The following SLC22A14 variants were observed in gnomAD, a reference collection of about 807,000 sequenced individuals.
SLC22A14 encodes the protein solute carrier family 22 member 14.
In SLC22A14, 50 loss-of-function variants were observed where a neutral mutation model predicts 53.9. The observed-to-expected ratio is 0.93, with a 90% CI of 0.74 to 1.17. The LOEUF (loss-of-function observed/expected upper bound fraction) is 1.17. Among genes scored for constraint, SLC22A14 ranks in the 50% most tolerant of loss-of-function variants. The probability of loss-of-function intolerance (pLI) is 0.00; values close to 1 mark genes in which losing one functional copy is unlikely to be tolerated. For missense variants in SLC22A14, 671 were observed against 734.7 expected (o/e 0.91, Z 1.00); for synonymous variants, 312 against 303.0 (o/e 1.03, Z -0.31).
At chr3:38,312,241 G>C (rs143052289) in intron 5 of SLC22A14, among the ~76,000 whole-genome samples, 1 of 152,126 alleles carries the variant, frequency 6.6e-6, no homozygotes, top group African/African-American at 2.4e-5. Flanking sequence ...CTGTGTCCTC[G>C]GGCAAGCCTT....
At chr3:38,295,655 A>C (rs1004752516) in intron 1 of SLC22A14, among the ~76,000 whole-genome samples, 2 of 151,364 alleles carry the variant, frequency 1.3e-5, no homozygotes, top group Non-Finnish European at 3.0e-5. Context: ...GGGTTTTTTT[A>C]ATTTTATTTT....
chr3:38,290,904 C>G (rs1559543984), intron 1 of SLC22A14, among the ~76,000 whole-genome samples: 1 of 152,068 alleles, frequency 6.6e-6, no homozygotes, highest in African/African-American at 2.4e-5. Context: ...TTCTGATGAC[C>G]CTGGCAGTGT....
intron 1 of SLC22A14, among the ~76,000 whole-genome samples, chr3:38,289,304 G>A (rs1232664502): frequency 2.0e-5 from 3 of 151,510 alleles, no homozygotes; most frequent in Non-Finnish European, 4.4e-5. Context: ...ACACTGACAT[G>A]ATACTATTAA....
chr3:38,288,974 G>A (rs940322030), intron 1 of SLC22A14, among the ~76,000 whole-genome samples: 1 of 151,982 alleles, frequency 6.6e-6, no homozygotes, highest in Non-Finnish European at 1.5e-5. Context: ...GAGGCCAGAA[G>A]TTCAAGACCA....
intron 1 of SLC22A14, among the ~76,000 whole-genome samples, chr3:38,298,096 G>A (rs1228866951): frequency 6.6e-6 from 1 of 152,002 alleles, no homozygotes; most frequent in Non-Finnish European, 1.5e-5. Flanking sequence ...TATTCTATGG[G>A]TTATAACATA....
Position 38,313,813 on chromosome 3 carries a change from G to T in SLC22A14, c.1250G>T (p.Ser417Ile), listed in dbSNP as rs766281964. The T allele has an allele frequency of 6.2e-7, 1 of 1,614,096 alleles. No homozygotes were observed. The highest frequency in any genetic ancestry group is 8.5e-7 in the Non-Finnish European group (1 of 1,179,994). ...GTCCACTTCAGACACGTGGTCCCCA[G>T]CATCATGGAGGTGCCTGCCCGGCTG... ...VSVHFRHVVP[S>I]IMEVPARLCC... is the part of the protein sequence containing the mutation. Residue 417 changes from serine (S) to isoleucine (I), a missense_variant, in exon 8 of 11, where the codon AGC becomes ATC. Ser to Ile is a moderately radical substitution (Grantham distance 142). Coordinates refer to ENST00000448498, the MANE Select transcript of SLC22A14 (RefSeq NM_001320033.2).
intron 1 of SLC22A14, among the ~76,000 whole-genome samples, chr3:38,282,788 A>G (rs1703701713): frequency 6.6e-6 from 1 of 152,122 alleles, no homozygotes; most frequent in South Asian, 2.1e-4. Context: ...TCCAGAAGCC[A>G]CATCTCTGAG....
At chr3:38,303,071 A>G (rs538460776) in intron 1 of SLC22A14, among the ~76,000 whole-genome samples, 74 of 152,134 alleles carry the variant, frequency 4.9e-4, no homozygotes, top group Non-Finnish European at 7.8e-4. Context: ...CTATATCTGT[A>G]TATTCCTTTT....
chr3:38,301,909 T>C (rs1704168382), intron 1 of SLC22A14, among the ~76,000 whole-genome samples: 1 of 151,784 alleles, frequency 6.6e-6, no homozygotes, highest in African/African-American at 2.4e-5. Flanking sequence ...TAAGTATTGA[T>C]CTATTACTTA....
chr3:38,311,490 A>G (rs987534565), intron 5 of SLC22A14, among the ~76,000 whole-genome samples: 1 of 152,224 alleles, frequency 6.6e-6, no homozygotes, highest in African/African-American at 2.4e-5. Context: ...GGCCAACATG[A>G]GCATTTGACA....
intron 1 of SLC22A14, among the ~76,000 whole-genome samples, chr3:38,299,817 T>C (rs115235257): frequency 0.064 from 9,768 of 152,206 alleles, 374 homozygotes; most frequent in East Asian, 0.16. Context: ...CTGCCTCAGC[T>C]TCCCAAAGTG....
At chr3:38,310,635 C>T (rs1051484207) in intron 5 of SLC22A14, among the ~76,000 whole-genome samples, 6 of 152,070 alleles carry the variant, frequency 3.9e-5, no homozygotes, top group Non-Finnish European at 7.4e-5. Context: ...ATTCAAATAC[C>T]ATCACTCTCA....
intron 1 of SLC22A14, among the ~76,000 whole-genome samples, chr3:38,291,217 T>C (rs1369657521): frequency 6.6e-6 from 1 of 152,200 alleles, no homozygotes; most frequent in Non-Finnish European, 1.5e-5. Context: ...CTTTTCGAAG[T>C]CCTTTTTCTA....
At chr3:38,313,969 G>T (rs372664990) in intron 8 of SLC22A14, 28 bp downstream of exon 8, 3 of 1,590,402 alleles carry the variant, frequency 1.9e-6, no homozygotes, top group African/African-American at 2.7e-5. Flanking sequence ...CCTGTGGCCT[G>T]CCCACAGCCT....
Position 38,313,019 on chromosome 3 carries a change from G to A in SLC22A14, c.965G>A (p.Arg322Gln), listed in dbSNP as rs761171698. 4.1e-5 allele frequency: 65 copies of A among 1,585,352 alleles called. No homozygotes were observed. The highest frequency in any genetic ancestry group is 6.8e-5 in the East Asian group (3 of 43,976). ...SYIWILPESP[R>Q]WLMMKGKVKE... ...CGCAGGATTCTCCCGGAGTCCCCGCGGTGGCTGATGATGAAAGGGAAGGTG... is the reference window on the plus strand; with the variant it reads ...CGCAGGATTCTCCCGGAGTCCCCGCAGTGGCTGATGATGAAAGGGAAGGTG... The change falls in exon 6 of 11, where the codon CGG becomes CAG. Residue 322 changes from arginine (R) to glutamine (Q), a missense_variant. By Grantham distance (43) the Arg-to-Gln change is conservative (BLOSUM62 1). Transcript: ENST00000448498.
intron 8 of SLC22A14, among the ~76,000 whole-genome samples, chr3:38,314,733 T>C (rs1004499931): frequency 6.6e-6 from 1 of 152,246 alleles, no homozygotes; most frequent in Admixed American, 6.5e-5. Flanking sequence ...CACTCCCAGA[T>C]GCTGGCAGTG....
chr3:38,297,055 C>G (rs1704055783), intron 1 of SLC22A14, among the ~76,000 whole-genome samples: 1 of 152,174 alleles, frequency 6.6e-6, no homozygotes, highest in Non-Finnish European at 1.5e-5. Context: ...TGGGAGGGGA[C>G]CCAAAGAGGG....
chr3:38,286,620 A>C (rs185908004), intron 1 of SLC22A14, among the ~76,000 whole-genome samples: 8 of 151,932 alleles, frequency 5.3e-5, no homozygotes, highest in African/African-American at 1.9e-4. Flanking sequence ...CATGTTGGCC[A>C]GTCTGGTGTC....
At chr3:38,306,603 C>G in intron 2 of SLC22A14, 61 bp downstream of exon 2, 1 of 1,474,112 alleles carries the variant, frequency 6.8e-7, no homozygotes, top group Non-Finnish European at 9.3e-7. Context: ...GCCTCCCACC[C>G]TCACTGAATG....
Sources: allele counts gnomAD v4.1 joint callset (sites outside exome capture counted in the v4.1 genomes callset), GRCh38; gene constraint gnomAD v4.1.1; transcripts MANE v1.5; gene names NCBI Gene and HGNC (gene_info 2026-07-23, HGNC 2026-07-21).